The following RIMS2 variants were observed in gnomAD, a reference collection of about 807,000 sequenced individuals.
The protein encoded by RIMS2 is regulating synaptic membrane exocytosis protein 2.
A neutral mutation model predicts 174.4 loss-of-function variants in RIMS2; 59 were observed. The ratio of observed to expected loss-of-function variants is 0.34; its 90% CI spans 0.27 to 0.42. RIMS2 has a LOEUF of 0.42. RIMS2 is among the 10% of genes least tolerant of loss of function. The pLI is 1.00. For synonymous variants in RIMS2, 606 were observed against 572.5 expected (o/e 1.06, Z -0.84); for missense variants, 1,620 against 1,666.3 (o/e 0.97, Z 0.48).
intron 1 of RIMS2, among the ~76,000 whole-genome samples, chr8:103,519,343 G>T (rs1830533721): frequency 6.6e-6 from 1 of 152,066 alleles, no homozygotes; most frequent in Non-Finnish European, 1.5e-5. Flanking sequence ...TTATGGAATT[G>T]TTTTGGAACA....
rs962383173 is a variant in RIMS2 at position 103,769,064 on chromosome 8, A to G, written c.698+2527A>G. 8.5e-5 allele frequency: 17 copies of G among 200,360 alleles called. 1 individual carries two copies. The highest frequency in any genetic ancestry group is 5.1e-4 in the Admixed American group (10 of 19,700). The allele number at this position is 200,360 out of a possible 1,614,324, so 12.4% of individuals were successfully genotyped here. ...AATAACAAATCGATAAGATCAGACT[A>G]AAAAAAAAAGGATAATAGGAATATA... is the stretch of plus-strand genomic sequence containing the variant. On this transcript the variant is annotated intron_variant, in intron 3 of 23. Transcript: ENST00000504942.
chr8:104,151,132 A>C (rs923563418), intron 19 of RIMS2, among the ~76,000 whole-genome samples: 2 of 152,200 alleles, frequency 1.3e-5, no homozygotes, highest in Non-Finnish European at 1.5e-5. Context: ...GGAATTTTTA[A>C]AGAGCAAAAT....
chr8:104,213,940 A>G (rs1404860993), intron 19 of RIMS2, among the ~76,000 whole-genome samples: 1 of 151,998 alleles, frequency 6.6e-6, no homozygotes, highest in Non-Finnish European at 1.5e-5. Flanking sequence ...CAAATAGAAT[A>G]GCTTTGGGGT....
rs140115112 is a variant in RIMS2, at chr8:103,847,004, G to T, written c.699-38294G>T. Among the ~76,000 whole-genome samples, 929 of 152,170 alleles carry T rather than the reference G, an allele frequency of 6.1e-3. 5 individuals are homozygous for T. The highest frequency in any genetic ancestry group is 0.011 in the Non-Finnish European group (730 of 67,976). ...CCCATACCCATTTTGTAACAGATGT[G>T]TTACTTGCTCACAGTGATCAGGGTC... On this transcript the variant is annotated intron_variant, in intron 3 of 23. Transcript: ENST00000504942.
At chr8:104,226,157 G>A (rs371085928) in intron 19 of RIMS2, among the ~76,000 whole-genome samples, 18 of 152,236 alleles carry the variant, frequency 1.2e-4, no homozygotes, top group African/African-American at 3.9e-4. Flanking sequence ...CCATCCCACT[G>A]TATGATTTTC....
intron 16 of RIMS2, among the ~76,000 whole-genome samples, chr8:103,984,828 T>C (rs144531382): frequency 6.6e-6 from 1 of 152,298 alleles, no homozygotes; most frequent in African/African-American, 2.4e-5. Flanking sequence ...AGAAAATGTA[T>C]TTATGCATGG....
chr8:104,157,077 T>G (rs2134412263), intron 19 of RIMS2, among the ~76,000 whole-genome samples: 1 of 152,322 alleles, frequency 6.6e-6, no homozygotes, highest in South Asian at 2.1e-4. Flanking sequence ...CCTTTAAAAT[T>G]ATAACAGTGT....
intron 1 of RIMS2, among the ~76,000 whole-genome samples, chr8:103,574,492 T>C (rs922571980): frequency 3.3e-5 from 5 of 152,234 alleles, no homozygotes; most frequent in African/African-American, 9.6e-5. Context: ...TAGAGATTAC[T>C]TCGTCTGTTT....
chr8:104,058,921 G>T (rs530544450), intron 19 of RIMS2, among the ~76,000 whole-genome samples: 2 of 152,168 alleles, frequency 1.3e-5, no homozygotes, highest in African/African-American at 4.8e-5. Context: ...CTGTTGCATT[G>T]GTCTATATCT....
chr8:103,506,693 A>G (rs992179528), intron 1 of RIMS2, among the ~76,000 whole-genome samples: 1 of 152,136 alleles, frequency 6.6e-6, no homozygotes, highest in Non-Finnish European at 1.5e-5. Context: ...AAATTTTCTT[A>G]TTTTCTAAAA....
intron 13 of RIMS2, among the ~76,000 whole-genome samples, chr8:103,937,981 TG>T (rs1262637252): frequency 2.6e-5 from 4 of 152,186 alleles, no homozygotes; most frequent in Non-Finnish European, 5.9e-5. Context: ...CCCAAGTAGC[TG>T]GGGCTACAGG....
intron 19 of RIMS2, among the ~76,000 whole-genome samples, chr8:104,101,066 GTTATATA>G (rs2097884564): frequency 7.2e-6 from 1 of 139,368 alleles, no homozygotes; most frequent in Admixed American, 7.4e-5. Flanking sequence ...TGTAATATAT[GTTATATA>G]TTATATTATA....
intron 1 of RIMS2, among the ~76,000 whole-genome samples, chr8:103,661,047 C>T (rs949041291): frequency 1.3e-5 from 2 of 152,186 alleles, no homozygotes; most frequent in Admixed American, 6.5e-5. Context: ...AACTTTTATC[C>T]TTTTGCCTAG....
chr8:104,064,828 A>T (rs1338869795), intron 19 of RIMS2, among the ~76,000 whole-genome samples: 1 of 152,084 alleles, frequency 6.6e-6, no homozygotes, highest in South Asian at 2.1e-4. Flanking sequence ...TTGTCCCATT[A>T]CCATCTCAAT....
chr8:104,003,376 A>G (rs1448495345), intron 17 of RIMS2, among the ~76,000 whole-genome samples: 1 of 152,082 alleles, frequency 6.6e-6, no homozygotes, highest in African/African-American at 2.4e-5. Context: ...ATAGCAAGAA[A>G]TGAATCTGGA....
chr8:103,881,473 A>T (rs1430114841), intron 3 of RIMS2, among the ~76,000 whole-genome samples: 1 of 151,578 alleles, frequency 6.6e-6, no homozygotes, highest in African/African-American at 2.4e-5. Flanking sequence ...TATGGCATGT[A>T]AACCCTGGAT....
At position 103,901,383 on chromosome 8, in the gene RIMS2, A is replaced by G. The variant is rs62527108; in HGVS notation, c.1625-8751A>G. 5.9e-3 allele frequency among the ~76,000 whole-genome samples: 895 copies of G among 152,230 alleles called. 13 individuals are homozygous for G. Among genetic ancestry groups the G allele is most frequent in the Non-Finnish European group, 7.2e-3 (492 of 67,992 alleles). On this transcript the variant is annotated intron_variant, in intron 4 of 23. Transcript: ENST00000504942. ...GCCTCAGGTTTCCCTACTTTCAGGA[A>G]TCTGCCCTTAGTGTGGCAAACTTGC...
At chr8:103,923,311 A>G (rs774310627) in intron 10 of RIMS2, among the ~76,000 whole-genome samples, 1 of 151,494 alleles carries the variant, frequency 6.6e-6, no homozygotes, top group Non-Finnish European at 1.5e-5. Flanking sequence ...GTGTGTATGT[A>G]TAGTTTGCTT....
intron 3 of RIMS2, among the ~76,000 whole-genome samples, chr8:103,841,771 A>G (rs905509485): frequency 1.3e-5 from 2 of 152,154 alleles, no homozygotes; most frequent in East Asian, 1.9e-4. Context: ...CCTGGCCAAC[A>G]TGACGAAACT....
Sources: gnomAD v4.1 joint callset for allele counts (sites outside exome capture counted in the v4.1 genomes callset) on GRCh38, gnomAD v4.1.1 for gene constraint, MANE v1.5 for transcripts, NCBI Gene and HGNC (gene_info 2026-07-23, HGNC 2026-07-21) for gene names.